The following SULT1B1 variants were observed in gnomAD, a reference collection of about 807,000 sequenced individuals.
SULT1B1 encodes sulfotransferase family 1B member 1, also known as sulfotransferase 1B1.
In SULT1B1, 28 loss-of-function variants were observed where a neutral mutation model predicts 34.6. The observed-to-expected ratio is 0.81, with a 90% CI of 0.60 to 1.11. The LOEUF (loss-of-function observed/expected upper bound fraction) is 1.11, where lower values mean the gene tolerates loss of function less well. Ranked by LOEUF, SULT1B1 falls within the 50% of genes least tolerant of loss-of-function variation. The pLI is 0.00. For missense variants in SULT1B1, 374 were observed against 352.2 expected (o/e 1.06, Z -0.50); for synonymous variants, 147 against 110.2 (o/e 1.33, Z -2.09).
chr4:69,730,764 T>A (rs1177071468), intron 6 of SULT1B1, 83 bp from the exon 7 acceptor site: 21 of 1,304,362 alleles, frequency 1.6e-5, no homozygotes, highest in African/African-American at 3.0e-5. Flanking sequence ...TCCGTTTTTT[T>A]AAATGTTGAC....
At chr4:69,758,833 A>G (rs1475276085) in intron 1 of SULT1B1, among the ~76,000 whole-genome samples, 1 of 152,076 alleles carries the variant, frequency 6.6e-6, no homozygotes, top group Non-Finnish European at 1.5e-5. Context: ...TTTAATTTGT[A>G]CTATTCTTTT....
At chr4:69,747,773 G>A (rs1317580594) in intron 4 of SULT1B1, among the ~76,000 whole-genome samples, 1 of 152,114 alleles carries the variant, frequency 6.6e-6, no homozygotes, top group South Asian at 2.1e-4. Flanking sequence ...CATGGTAAGA[G>A]TGGGCTGTTC....
At chr4:69,749,453 T>C (rs951359822) in intron 4 of SULT1B1, among the ~76,000 whole-genome samples, 6 of 152,092 alleles carry the variant, frequency 3.9e-5, no homozygotes, top group Admixed American at 3.9e-4. Flanking sequence ...ACAGAAGGCC[T>C]GAAGATCTAG....
intron 3 of SULT1B1, among the ~76,000 whole-genome samples, chr4:69,753,224 G>A (rs1199882300): frequency 1.3e-5 from 2 of 152,016 alleles, no homozygotes; most frequent in Non-Finnish European, 2.9e-5. Flanking sequence ...ACTTTTCCTT[G>A]CAAGCGAATG....
At chr4:69,747,895 G>T (rs56010132) in intron 4 of SULT1B1, among the ~76,000 whole-genome samples, 17,506 of 151,926 alleles carry the variant, frequency 0.12, 1,117 homozygotes, top group Middle Eastern at 0.18. Context: ...TAGCTCCAGG[G>T]TCTGCATTCT....
chr4:69,752,692 C>T (rs919146885), intron 3 of SULT1B1, among the ~76,000 whole-genome samples: 1 of 152,218 alleles, frequency 6.6e-6, no homozygotes. Context: ...TGACATCTTG[C>T]CAGTTGATCC....
chr4:69,757,317 GAA>G (rs1719229549), intron 1 of SULT1B1, among the ~76,000 whole-genome samples: 1 of 152,016 alleles, frequency 6.6e-6, no homozygotes, highest in Non-Finnish European at 1.5e-5. Flanking sequence ...TATCTTAGAT[GAA>G]ATCGCATTGC....
intron 1 of SULT1B1, among the ~76,000 whole-genome samples, chr4:69,756,980 G>C (rs200338460): frequency 8.6e-5 from 10 of 116,324 alleles, no homozygotes; most frequent in African/African-American, 1.2e-4. Context: ...CACACACACA[G>C]ACACACACAC....
At chr4:69,749,612 GT>G (rs1183718231) in intron 4 of SULT1B1, 108 bp downstream of exon 4, 1 of 720,468 alleles carries the variant, frequency 1.4e-6, no homozygotes, top group African/African-American at 1.8e-5. Context: ...AGTATAGATT[GT>G]TGCAAGTATA....
At chr4:69,728,358 A>T (rs13115602) in intron 7 of SULT1B1, among the ~76,000 whole-genome samples, 44,755 of 151,964 alleles carry the variant, frequency 0.29, 7,689 homozygotes, top group South Asian at 0.45. Flanking sequence ...AACATTGGAC[A>T]TAATCTATCC....
At chr4:69,747,909 T>A (rs925243396) in intron 4 of SULT1B1, among the ~76,000 whole-genome samples, 1 of 152,132 alleles carries the variant, frequency 6.6e-6, no homozygotes, top group Non-Finnish European at 1.5e-5. Flanking sequence ...GCATTCTCCC[T>A]CTATTCACCC....
intron 1 of SULT1B1, among the ~76,000 whole-genome samples, chr4:69,759,641 AGAG>A (rs1460523216): frequency 6.6e-6 from 1 of 152,214 alleles, no homozygotes; most frequent in Non-Finnish European, 1.5e-5. Flanking sequence ...AAGAGTATGG[AGAG>A]GAGGACTGGA....
At chr4:69,747,009 G>A (rs988191429) in intron 4 of SULT1B1, among the ~76,000 whole-genome samples, 3 of 152,098 alleles carry the variant, frequency 2.0e-5, no homozygotes, top group East Asian at 1.9e-4. Flanking sequence ...CTGTCTCTAC[G>A]GGGCTAGAGC....
chr4:69,748,713 A>G (rs1718849758), intron 4 of SULT1B1, among the ~76,000 whole-genome samples: 1 of 152,198 alleles, frequency 6.6e-6, no homozygotes, highest in Non-Finnish European at 1.5e-5. Flanking sequence ...ATGAAAACAT[A>G]AAAATCCTCA....
intron 5 of SULT1B1, 83 bp from the exon 6 acceptor site, chr4:69,733,590 C>T: frequency 1.9e-6 from 2 of 1,070,642 alleles, no homozygotes; most frequent in Non-Finnish European, 2.6e-6. Context: ...ATTGTGAAAA[C>T]ATTTTGAATT....
chr4:69,722,316 T>C lies in SULT1B1; in HGVS notation c.*4772A>G, dbSNP rs1717682995. On this transcript the variant is annotated 3_prime_UTR_variant, in exon 8 of 8. Coordinates refer to ENST00000310613, the MANE Select transcript of SULT1B1 (RefSeq NM_014465.4). ...TTTTATCTTGCTAGTGAAGAAAGTG[T>C]AGCTAATCTATTACACAGATTAGAG... 1 of 152,132 alleles carries C rather than the reference T, an allele frequency of 6.6e-6. No individual in the cohort carries two copies. The highest frequency in any genetic ancestry group is 1.5e-5 in the Non-Finnish European group (1 of 68,008). The allele number at this position is 152,132 out of a possible 1,614,324, so 9.4% of individuals were successfully genotyped here.
chr4:69,737,651 T>A (rs1246158951), intron 4 of SULT1B1, among the ~76,000 whole-genome samples: 1 of 152,162 alleles, frequency 6.6e-6, no homozygotes, highest in Non-Finnish European at 1.5e-5. Context: ...TAGACTGTGA[T>A]GAATTATGTA....
intron 6 of SULT1B1, 38 bp from the exon 7 acceptor site, chr4:69,730,719 C>T: frequency 6.4e-7 from 1 of 1,551,546 alleles, no homozygotes; most frequent in Non-Finnish European, 8.8e-7. Context: ...AAACAAGTAA[C>T]TCACACAATG....
intron 2 of SULT1B1, 124 bp from the exon 3 acceptor site, chr4:69,754,922 C>T (rs1354818428): frequency 7.8e-7 from 1 of 1,275,836 alleles, no homozygotes; most frequent in East Asian, 2.3e-5. Context: ...TTTCTATGCA[C>T]CAAATGCCAA....
Sources: allele counts gnomAD v4.1 joint callset (sites outside exome capture counted in the v4.1 genomes callset), GRCh38; gene constraint gnomAD v4.1.1; transcripts MANE v1.5; gene names NCBI Gene and HGNC (gene_info 2026-07-23, HGNC 2026-07-21).